Variants in RNF115 observed in about 807,000 individuals in gnomAD.
RNF115 encodes E3 ubiquitin-protein ligase RNF115.
A neutral mutation model predicts 39.2 loss-of-function variants in RNF115; 31 were observed. The observed-to-expected ratio is 0.79, with a 90% CI of 0.59 to 1.07. RNF115 has a LOEUF of 1.07. Among genes scored for constraint, RNF115 ranks in the 50% least tolerant of loss-of-function variants. The pLI is 0.00. For missense variants in RNF115, 384 were observed against 381.7 expected (o/e 1.01, Z -0.05); for synonymous variants, 124 against 131.0 (o/e 0.95, Z 0.37).
In RNF115 at chr1:145,794,908, T is replaced by C. The variant is rs145718880; in HGVS notation, c.103-5942A>G. Among the ~76,000 whole-genome samples, 269 of 146,800 alleles carry C rather than the reference T, an allele frequency of 1.8e-3. 7 individuals carry two copies. In the East Asian group the frequency reaches 0.044, roughly 24 times the overall value. ...GGCGGGCGCCTGTAGTCCCAGCTAC[T>C]GGGAAGGCTGAAGCAGGAGAATGGT... On this transcript the variant is annotated intron_variant, in intron 1 of 8. Transcript: ENST00000582693.
chr1:145,777,589 G>C (rs587609296), intron 3 of RNF115, among the ~76,000 whole-genome samples: 1 of 151,984 alleles, frequency 6.6e-6, no homozygotes, highest in Non-Finnish European at 1.5e-5. Context: ...ATTTGTCTCT[G>C]AGTAGACTTA....
chr1:145,741,150 A>T lies in RNF115; in HGVS notation c.*5716T>A, dbSNP rs1657680942. The T allele has an allele frequency of 6.6e-6, 1 of 152,106 alleles. No homozygotes were observed. Among genetic ancestry groups the T allele is most frequent in the African/African-American group, 2.4e-5 (1 of 41,426 alleles). 9.4% of individuals were successfully genotyped at this position (152,106 alleles called of 1,614,324 possible). ...ACAATGCCCAGCCAAGAATCTAATA[A>T]TTTTTGGATCTTGAAAATTGTATTT... On this transcript the variant is annotated 3_prime_UTR_variant, in exon 9 of 9. Coordinates refer to ENST00000582693, the MANE Select transcript of RNF115 (RefSeq NM_014455.4).
chr1:145,760,995 T>C (rs1171806040), intron 4 of RNF115, among the ~76,000 whole-genome samples: 1 of 152,188 alleles, frequency 6.6e-6, no homozygotes, highest in African/African-American at 2.4e-5. Flanking sequence ...CAAAGAAGAC[T>C]CTTGTTATGT....
intron 3 of RNF115, among the ~76,000 whole-genome samples, chr1:145,776,100 T>C (rs1647873358): frequency 1.4e-5 from 2 of 144,304 alleles, no homozygotes; most frequent in Admixed American, 6.9e-5. Flanking sequence ...AGGGGGGGGC[T>C]ACTGTACCAA....
chr1:145,749,181 G>A (rs1328681779), intron 7 of RNF115, among the ~76,000 whole-genome samples: 8 of 151,946 alleles, frequency 5.3e-5, no homozygotes, highest in African/African-American at 1.7e-4. Context: ...GGCATTTGGA[G>A]CAGTACTACT....
At chr1:145,771,548 CG>C (rs1440645881) in intron 4 of RNF115, among the ~76,000 whole-genome samples, 162 bp downstream of exon 4, 6 of 152,150 alleles carry the variant, frequency 3.9e-5, no homozygotes, top group African/African-American at 1.4e-4. Context: ...GGTTTATCAT[CG>C]GGTGAGTACT....
intron 4 of RNF115, among the ~76,000 whole-genome samples, chr1:145,755,495 C>T (rs1283332059): frequency 2.0e-5 from 3 of 152,148 alleles, no homozygotes; most frequent in South Asian, 2.1e-4. Context: ...CCATGCTACT[C>T]CCAACTGAAC....
At chr1:145,757,630 A>G (rs1658351079) in intron 4 of RNF115, among the ~76,000 whole-genome samples, 1 of 152,230 alleles carries the variant, frequency 6.6e-6, no homozygotes, top group Admixed American at 6.5e-5. Context: ...AGTCACAGAG[A>G]AGAACTCCTG....
At chr1:145,764,188 T>A (rs1246507814) in intron 4 of RNF115, among the ~76,000 whole-genome samples, 1 of 152,208 alleles carries the variant, frequency 6.6e-6, no homozygotes, top group Admixed American at 6.5e-5. Context: ...GGTGCCGGGA[T>A]TGCAGACGGA....
chr1:145,795,768 G>A lies in RNF115; in HGVS notation c.103-6802C>T, dbSNP rs1448922844. Among the ~76,000 whole-genome samples, 10 of 152,070 alleles carry A rather than the reference G, an allele frequency of 6.6e-5. No homozygotes were observed. In the South Asian group the frequency reaches 8.3e-4, roughly 13 times the overall value. ...ACAAGTACTCCTTCCATTTATAAGC[G>A]ACAATAAAAGCTTTCTAAATAGTTA... is the stretch of plus-strand genomic sequence containing the variant. On this transcript the variant is annotated intron_variant, in intron 1 of 8. Coordinates refer to ENST00000582693, the MANE Select transcript of RNF115 (RefSeq NM_014455.4).
chr1:145,749,864 G>A (rs189560740), intron 7 of RNF115, among the ~76,000 whole-genome samples: 161 of 152,194 alleles, frequency 1.1e-3, no homozygotes, highest in African/African-American at 1.8e-3. Flanking sequence ...CTCTAAACCC[G>A]AACTGATGGG....
chr1:145,740,286 A>G lies in RNF115; in HGVS notation c.*6580T>C, dbSNP rs1210830861. On this transcript the variant is annotated 3_prime_UTR_variant, in exon 9 of 9. Coordinates refer to ENST00000582693, the MANE Select transcript of RNF115 (RefSeq NM_014455.4). ...GTCCACATATAAAAATCTGTGACAC[A>G]TAATCACAGAAAGGAAACATCACTG... 2 of 152,270 alleles carry G rather than the reference A, an allele frequency of 1.3e-5. No individual in the cohort carries two copies. Among genetic ancestry groups the G allele is most frequent in the Non-Finnish European group, 2.9e-5 (2 of 68,052 alleles). The allele number at this position is 152,270 out of a possible 1,614,324, so 9.4% of individuals were successfully genotyped here.
chr1:145,809,252 T>C (rs1488563373), intron 1 of RNF115, among the ~76,000 whole-genome samples: 6 of 150,752 alleles, frequency 4.0e-5, no homozygotes, highest in Non-Finnish European at 8.8e-5. Context: ...AGTGGTGCAA[T>C]TTCAGCTCAC....
intron 7 of RNF115, 59 bp downstream of exon 7, chr1:145,750,348 A>G (rs1658030902): frequency 2.2e-6 from 3 of 1,336,448 alleles, no homozygotes; most frequent in Middle Eastern, 1.8e-4. Flanking sequence ...CTGTCAGAAG[A>G]TACCGGGATT....
chr1:145,765,971 T>A (rs1647245175), intron 4 of RNF115, among the ~76,000 whole-genome samples: 1 of 152,194 alleles, frequency 6.6e-6, no homozygotes, highest in Non-Finnish European at 1.5e-5. Context: ...GACATCTGAT[T>A]TCTTAAATAC....
intron 1 of RNF115, among the ~76,000 whole-genome samples, chr1:145,802,200 T>A (rs1242347535): frequency 1.2e-4 from 18 of 152,138 alleles, no homozygotes; most frequent in Admixed American, 1.2e-3. Context: ...CTAAGCTGCT[T>A]TCCCCCTAGG....
At chr1:145,768,155 C>T (rs1334957196) in intron 4 of RNF115, among the ~76,000 whole-genome samples, 1 of 152,270 alleles carries the variant, frequency 6.6e-6, no homozygotes, top group Non-Finnish European at 1.5e-5. Flanking sequence ...AGCCTTTGTT[C>T]TGGCCTCACT....
chr1:145,744,955 G>A lies in RNF115; in HGVS notation c.*1911C>T, dbSNP rs1184122308. The A allele has an allele frequency of 1.3e-5, 2 of 152,214 alleles. No homozygotes were observed. Among genetic ancestry groups the A allele is most frequent in the African/African-American group, 2.4e-5 (1 of 41,424 alleles). The allele number at this position is 152,214 out of a possible 1,614,324, so 9.4% of individuals were successfully genotyped here. A position where few individuals can be genotyped will look rare whatever the true frequency, so the allele number is the denominator to read the frequency against. On this transcript the variant is annotated 3_prime_UTR_variant, in exon 9 of 9. Transcript: ENST00000582693. ...AGGCCTACCTCTTCCAGGCCAAGCT[G>A]TTTTGGACATGATCACACTGATCAG... is the stretch of plus-strand genomic sequence containing the variant.
intron 3 of RNF115, among the ~76,000 whole-genome samples, chr1:145,782,518 C>T (rs1473006799): frequency 3.9e-5 from 6 of 152,170 alleles, no homozygotes; most frequent in African/African-American, 1.2e-4. Flanking sequence ...CTAAAGAACA[C>T]GAAGTTACAA....
Sources: gnomAD v4.1 joint callset for allele counts (sites outside exome capture counted in the v4.1 genomes callset) on GRCh38, gnomAD v4.1.1 for gene constraint, MANE v1.5 for transcripts, NCBI Gene and HGNC (gene_info 2026-07-23, HGNC 2026-07-21) for gene names.